KCNQ1: variants seen among roughly 807,000 people sequenced by gnomAD.
KCNQ1 encodes the protein potassium voltage-gated channel subfamily KQT member 1.
KCNQ1 carries 49 observed loss-of-function variants against 72.4 expected under a neutral mutation model. That is an observed-to-expected ratio of 0.68 (90% CI 0.54 to 0.86). The LOEUF (loss-of-function observed/expected upper bound fraction) is 0.86, where lower values mean the gene tolerates loss of function less well. KCNQ1 is among the 40% of genes least tolerant of loss of function. The pLI is 0.00. For missense variants in KCNQ1, 790 were observed against 945.1 expected (o/e 0.84, Z 2.15); for synonymous variants, 450 against 412.6 (o/e 1.09, Z -1.10).
Position 2,671,792 on chromosome 11 carries a change from G to T in KCNQ1, c.1514+9711G>T. The stretch of plus-strand genomic sequence containing the variant: ...ACATAATCATTCTGACCCAGTCAGG[G>T]TTCTTCCCCCAAATAAATCCCTGCA... On this transcript the variant is annotated intron_variant, in intron 11 of 15. Transcript: ENST00000155840. This position sits in a 1 kb window ranked among gnomAD's most constrained non-coding sequence, Gnocchi z 4.7. 1 of 398,702 alleles carries T rather than the reference G, an allele frequency of 2.5e-6. No homozygotes were observed. The highest frequency in any genetic ancestry group is 4.4e-6 in the Non-Finnish European group (1 of 226,124). The allele number at this position is 398,702 out of a possible 1,614,324, so 24.7% of individuals were successfully genotyped here.
At chr11:2,589,841 C>T (rs985298276) in intron 10 of KCNQ1, among the ~76,000 whole-genome samples, 11 of 152,172 alleles carry the variant, frequency 7.2e-5, no homozygotes, top group Admixed American at 2.6e-4. Flanking sequence ...AGGAGGCACA[C>T]GTGATGCATC....
rs1272225837 is a variant in KCNQ1, at chr11:2,750,899, A to G, written c.1515-17945A>G. Among the ~76,000 whole-genome samples, 2 of 152,212 alleles carry G rather than the reference A, an allele frequency of 1.3e-5. No homozygotes were observed. Among genetic ancestry groups the G allele is most frequent in the African/African-American group, 4.8e-5 (2 of 41,446 alleles). ...CGTCCTCATAATCTCCCCAGGATTT[A>G]AACGGGGTCCTCCCCAGCTGCCTGC... On this transcript the variant is annotated intron_variant, in intron 11 of 15. Transcript: ENST00000155840. The surrounding 1 kb of genome is among the most constrained non-coding windows in gnomAD (Gnocchi z 6.3).
rs1043003635 is a variant in KCNQ1 at position 2,645,594 on chromosome 11, C to T, written c.1394-16367C>T. 14 of 398,588 alleles carry T rather than the reference C, an allele frequency of 3.5e-5. No individual in the cohort carries two copies. Among genetic ancestry groups the T allele is most frequent in the South Asian group, 1.3e-4 (1 of 7,864 alleles). The allele number at this position is 398,588 out of a possible 1,614,324, so 24.7% of individuals were successfully genotyped here. A position where few individuals can be genotyped will look rare whatever the true frequency, so the allele number is the denominator to read the frequency against. On this transcript the variant is annotated intron_variant, in intron 10 of 15. Coordinates refer to ENST00000155840, the MANE Select transcript of KCNQ1 (RefSeq NM_000218.3). The surrounding 1 kb of genome is among the most constrained non-coding windows in gnomAD (Gnocchi z 5.8). ...ACAGGCAGTTGGGCAATGCATGCTT[C>T]GGCCCCAGGTGGTGACTATGGGCAG...
rs976901178 is a variant in KCNQ1 at position 2,824,268 on chromosome 11, G to T, written c.1795-23499G>T. Among the ~76,000 whole-genome samples, 4 of 152,150 alleles carry T rather than the reference G, an allele frequency of 2.6e-5. No homozygotes were observed. Among genetic ancestry groups the T allele is most frequent in the Non-Finnish European group, 4.4e-5 (3 of 68,008 alleles). On this transcript the variant is annotated intron_variant, in intron 15 of 15. Coordinates refer to ENST00000155840, the MANE Select transcript of KCNQ1 (RefSeq NM_000218.3). The surrounding 1 kb of genome is among the most constrained non-coding windows in gnomAD (Gnocchi z 5.9). ...AGGTGGGTGAGGAGGCTACGCAGAG[G>T]CCCTGGGAGGAGGGAGGCTAGGCCC...
chr11:2,718,989 G>A (rs1232072508), intron 11 of KCNQ1, among the ~76,000 whole-genome samples: 1 of 152,228 alleles, frequency 6.6e-6, no homozygotes, highest in Non-Finnish European at 1.5e-5. Flanking sequence ...TGAAGGCTTG[G>A]CGTCTGCCAG....
chr11:2,625,823 C>A (rs1849252869), intron 10 of KCNQ1: 2 of 398,564 alleles, frequency 5.0e-6, no homozygotes, highest in Non-Finnish European at 8.8e-6. Flanking sequence ...CCCGCCTCAG[C>A]CTCCCAAAGT....
At chr11:2,754,747 A>G (rs1236353667) in intron 11 of KCNQ1, among the ~76,000 whole-genome samples, 1 of 152,258 alleles carries the variant, frequency 6.6e-6, no homozygotes. Context: ...TAAAACTCTT[A>G]CTGGATAATA....
chr11:2,605,673 C>A (rs1848868834), intron 10 of KCNQ1, among the ~76,000 whole-genome samples: 1 of 152,200 alleles, frequency 6.6e-6, no homozygotes, highest in Admixed American at 6.5e-5. Context: ...ATCACATTTT[C>A]TCGAATACTG....
intron 1 of KCNQ1, among the ~76,000 whole-genome samples, chr11:2,465,157 TTTTA>T (rs1202887925): frequency 6.6e-6 from 1 of 152,172 alleles, no homozygotes; most frequent in African/African-American, 2.4e-5. Flanking sequence ...CCAGAAGTTT[TTTTA>T]TTTTTTATTT....
rs747791725 is a variant in KCNQ1 at position 2,704,703 on chromosome 11, G to A, written c.1514+42622G>A. The stretch of plus-strand genomic sequence containing the variant: ...GAGAGATGGGAGGGTTGGAGAAAGC[G>A]AGCATCTGTGGAGGTGTGAGAAGTG... On this transcript the variant is annotated intron_variant, in intron 11 of 15. Coordinates refer to ENST00000155840, the MANE Select transcript of KCNQ1 (RefSeq NM_000218.3). The surrounding 1 kb of genome is among the most constrained non-coding windows in gnomAD (Gnocchi z 4.3). Among the ~76,000 whole-genome samples the A allele has an allele frequency of 1.3e-5, 2 of 152,210 alleles. No individual in the cohort carries two copies. The highest frequency in any genetic ancestry group is 2.9e-5 in the Non-Finnish European group (2 of 68,034).
At chr11:2,835,964 A>T (rs2237895) in intron 15 of KCNQ1, among the ~76,000 whole-genome samples, 2 of 151,572 alleles carry the variant, frequency 1.3e-5, no homozygotes, top group African/African-American at 4.9e-5. Flanking sequence ...CAGTGGTCCC[A>T]GGGGTCGGGG....
intron 2 of KCNQ1, among the ~76,000 whole-genome samples, chr11:2,560,608 G>T (rs551860656): frequency 2.0e-5 from 3 of 151,824 alleles, no homozygotes; most frequent in African/African-American, 7.3e-5. Flanking sequence ...TGTCCAGAGT[G>T]GGGGTCTTCA....
intron 11 of KCNQ1, among the ~76,000 whole-genome samples, chr11:2,729,818 C>T (rs1263427318): frequency 6.6e-6 from 1 of 152,112 alleles, no homozygotes; most frequent in Non-Finnish European, 1.5e-5. Context: ...TATTTATCTA[C>T]AGAGTGCTTG....
chr11:2,567,955 A>C lies in KCNQ1; in HGVS notation c.478-2673A>C, dbSNP rs1488263707. Among the ~76,000 whole-genome samples, 1 of 152,206 alleles carries C rather than the reference A, an allele frequency of 6.6e-6. No individual in the cohort carries two copies. On this transcript the variant is annotated intron_variant, in intron 2 of 15. Coordinates refer to ENST00000155840, the MANE Select transcript of KCNQ1 (RefSeq NM_000218.3). This position sits in a 1 kb window ranked among gnomAD's most constrained non-coding sequence, Gnocchi z 6.6. ...TGCCTAGGACATGCCTGGAGAAGGT[A>C]TTTAAGTAATTTTAAAAGTGCATCA...
chr11:2,484,480 A>G lies in KCNQ1; in HGVS notation c.386+38996A>G, dbSNP rs1846703761. On this transcript the variant is annotated intron_variant, in intron 1 of 15. Transcript: ENST00000155840. This position sits in a 1 kb window ranked among gnomAD's most constrained non-coding sequence, Gnocchi z 5.2. ...GCACCCAGCCTCATTATTTATTTTCATTGCTCAAATTGTGCTGGCTTTTGC... is the reference window on the plus strand; with the variant it reads ...GCACCCAGCCTCATTATTTATTTTCGTTGCTCAAATTGTGCTGGCTTTTGC... 6.6e-6 allele frequency among the ~76,000 whole-genome samples: 1 copy of G among 152,070 alleles called. No homozygotes were observed. Among genetic ancestry groups the G allele is most frequent in the Non-Finnish European group, 1.5e-5 (1 of 68,002 alleles).
chr11:2,681,695 GC>G, intron 11 of KCNQ1: 2 of 389,246 alleles, frequency 5.1e-6, no homozygotes, highest in Middle Eastern at 6.4e-4. Flanking sequence ...GGCTGCCGTT[GC>G]TTCCCATGTG....
intron 5 of KCNQ1, among the ~76,000 whole-genome samples, chr11:2,572,484 G>A (rs1436392883): frequency 1.3e-5 from 2 of 152,224 alleles, no homozygotes; most frequent in Non-Finnish European, 2.9e-5. Context: ...GGCTGCACTG[G>A]CCCCTGGCTC....
intron 2 of KCNQ1, among the ~76,000 whole-genome samples, chr11:2,540,540 C>T (rs765040094): frequency 2.0e-5 from 3 of 152,348 alleles, no homozygotes; most frequent in Admixed American, 2.0e-4. Context: ...CCAGGGGCGG[C>T]CAGCAGCCTC....
chr11:2,805,617 C>T (rs920417514), intron 15 of KCNQ1, among the ~76,000 whole-genome samples: 3 of 152,296 alleles, frequency 2.0e-5, no homozygotes, highest in South Asian at 4.1e-4. Context: ...AGAGTTGAGT[C>T]GTTGTAACAG....
Sources: gnomAD v4.1 joint callset for allele counts (sites outside exome capture counted in the v4.1 genomes callset) on GRCh38, gnomAD v4.1.1 for gene constraint, Gnocchi (gnomAD v3.1) non-coding constraint, MANE v1.5 for transcripts, NCBI Gene and HGNC (gene_info 2026-07-23, HGNC 2026-07-21) for gene names.